The following PHF21A variants were observed in gnomAD, a reference collection of about 807,000 sequenced individuals.
The protein encoded by PHF21A is PHD finger protein 21A, also known as BHC80a.
In PHF21A, 11 loss-of-function variants were observed where a neutral mutation model predicts 82.5. The ratio of observed to expected loss-of-function variants is 0.13; its 90% CI spans 0.08 to 0.22. The LOEUF is 0.22. Among genes scored for constraint, PHF21A ranks in the 10% least tolerant of loss-of-function variants. PHF21A has a pLI of 1.00. For missense variants in PHF21A, 579 were observed against 837.8 expected (o/e 0.69, Z 3.81); for synonymous variants, 297 against 302.8 (o/e 0.98, Z 0.20).
chr11:46,072,143 G>A (rs530579870), intron 6 of PHF21A, among the ~76,000 whole-genome samples: 2 of 152,298 alleles, frequency 1.3e-5, no homozygotes, highest in African/African-American at 2.4e-5. Context: ...ATACAGATAT[G>A]CTACTGTAAT....
At chr11:46,018,853 G>A (rs1027339775) in intron 6 of PHF21A, among the ~76,000 whole-genome samples, 3 of 152,120 alleles carry the variant, frequency 2.0e-5, no homozygotes, top group East Asian at 1.9e-4. Context: ...ACCATGACAC[G>A]CTCTCACAGA....
chr11:46,110,852 C>T (rs982935667), intron 1 of PHF21A, among the ~76,000 whole-genome samples: 9 of 151,492 alleles, frequency 5.9e-5, no homozygotes, highest in Non-Finnish European at 1.3e-4. Flanking sequence ...ATGGCACAAC[C>T]GCAGCTCACT....
At chr11:46,055,423 G>C (rs969811794) in intron 6 of PHF21A, among the ~76,000 whole-genome samples, 2 of 152,150 alleles carry the variant, frequency 1.3e-5, no homozygotes, top group Non-Finnish European at 2.9e-5. Context: ...GATGGGAAAA[G>C]TGTAGAGTAC....
chr11:45,934,238 A>G lies in PHF21A; in HGVS notation c.1789-13T>C, dbSNP rs1181222741. 6.2e-7 allele frequency: 1 copy of G among 1,608,788 alleles called. No homozygotes were observed. The highest frequency in any genetic ancestry group is 8.5e-7 in the Non-Finnish European group (1 of 1,179,042). ...TTTCCATGCATTTCTGCAGCAAATG[A>G]CAAGGGCAGTGGCACTGAGCCGCCT... On this transcript the variant is annotated splice_polypyrimidine_tract_variant and intron_variant, in intron 18 of 18. Transcript: ENST00000676320.
At chr11:45,952,707 T>A (rs1307111067) in intron 11 of PHF21A, among the ~76,000 whole-genome samples, 2 of 152,216 alleles carry the variant, frequency 1.3e-5, no homozygotes, top group Non-Finnish European at 2.9e-5. Flanking sequence ...ATCACTGCTT[T>A]AAAAAAATGG....
At chr11:46,060,576 T>C (rs2096522813) in intron 6 of PHF21A, among the ~76,000 whole-genome samples, 1 of 152,244 alleles carries the variant, frequency 6.6e-6, no homozygotes. Context: ...AGATCAGTGA[T>C]GTTGAGCTTT....
At chr11:46,019,752 T>G (rs971414438) in intron 6 of PHF21A, among the ~76,000 whole-genome samples, 3 of 152,212 alleles carry the variant, frequency 2.0e-5, no homozygotes, top group African/African-American at 4.8e-5. Context: ...TATTTCTGCT[T>G]GACAGTTAAA....
chr11:45,936,425 CAA>C, intron 17 of PHF21A, 67 bp downstream of exon 17: 2 of 901,570 alleles, frequency 2.2e-6, no homozygotes, highest in Non-Finnish European at 3.6e-6. Flanking sequence ...GAGAATAAAA[CAA>C]ATACTGCCAG....
At chr11:46,047,345 T>C (rs1180936229) in intron 6 of PHF21A, among the ~76,000 whole-genome samples, 1 of 152,196 alleles carries the variant, frequency 6.6e-6, no homozygotes. Flanking sequence ...GGAAAAACAA[T>C]ACTCCTTGAT....
chr11:46,022,363 G>A (rs2095648864), intron 6 of PHF21A, among the ~76,000 whole-genome samples: 1 of 152,184 alleles, frequency 6.6e-6, no homozygotes, highest in Non-Finnish European at 1.5e-5. Context: ...GCTGAGGTAG[G>A]AGGATCACTT....
At chr11:45,961,346 A>C (rs1277439806) in intron 10 of PHF21A, among the ~76,000 whole-genome samples, 2 of 152,236 alleles carry the variant, frequency 1.3e-5, no homozygotes, top group Non-Finnish European at 2.9e-5. Flanking sequence ...TCGTTAGTCA[A>C]GGTTAAATAG....
At chr11:46,111,955 G>A (rs2097219149) in intron 1 of PHF21A, among the ~76,000 whole-genome samples, 1 of 152,148 alleles carries the variant, frequency 6.6e-6, no homozygotes, top group African/African-American at 2.4e-5. Context: ...TGTAACAAAA[G>A]GGGCATTTTG....
intron 11 of PHF21A, among the ~76,000 whole-genome samples, chr11:45,952,020 G>A (rs1257564524): frequency 6.6e-6 from 1 of 152,012 alleles, no homozygotes; most frequent in Non-Finnish European, 1.5e-5. Context: ...GGCCGGGCTG[G>A]TCTCAAACTC....
chr11:46,070,367 G>C (rs1477565574), intron 6 of PHF21A, among the ~76,000 whole-genome samples: 1 of 151,300 alleles, frequency 6.6e-6, no homozygotes, highest in Non-Finnish European at 1.5e-5. Flanking sequence ...GTCTCACTGT[G>C]TTGCCCAGGC....
intron 6 of PHF21A, among the ~76,000 whole-genome samples, chr11:46,033,754 G>A (rs1239096144): frequency 6.6e-6 from 1 of 152,134 alleles, no homozygotes; most frequent in Admixed American, 6.5e-5. Context: ...ATAAACACCG[G>A]ATTTCAAAGA....
chr11:45,974,159 G>C (rs2093910031), intron 7 of PHF21A, among the ~76,000 whole-genome samples: 1 of 152,068 alleles, frequency 6.6e-6, no homozygotes, highest in Non-Finnish European at 1.5e-5. Context: ...ACAGGCACAA[G>C]ACCTAGTACT....
chr11:46,053,843 G>C (rs933654301), intron 6 of PHF21A, among the ~76,000 whole-genome samples: 1 of 151,996 alleles, frequency 6.6e-6, no homozygotes, highest in African/African-American at 2.4e-5. Context: ...AAAACCTTTT[G>C]GAAAAAGGCA....
At chr11:46,029,444 C>T (rs1036608624) in intron 6 of PHF21A, among the ~76,000 whole-genome samples, 4 of 152,060 alleles carry the variant, frequency 2.6e-5, no homozygotes, top group Non-Finnish European at 5.9e-5. Context: ...TCCTAATACA[C>T]GGGGAGGCCA....
At chr11:46,067,618 T>C (rs529504555) in intron 6 of PHF21A, among the ~76,000 whole-genome samples, 13 of 145,270 alleles carry the variant, frequency 8.9e-5, no homozygotes, top group African/African-American at 2.5e-5. Context: ...AAAAACTGAA[T>C]TGAATCATTT....
Sources: allele counts gnomAD v4.1 joint callset (sites outside exome capture counted in the v4.1 genomes callset), GRCh38; gene constraint gnomAD v4.1.1; transcripts MANE v1.5; gene names NCBI Gene and HGNC (gene_info 2026-07-23, HGNC 2026-07-21).